Variants in FOXK1 observed in about 807,000 individuals in gnomAD.
The protein encoded by FOXK1 is forkhead box K1, also known as forkhead box protein K1.
A neutral mutation model predicts 51.9 loss-of-function variants in FOXK1; 19 were observed. The ratio of observed to expected loss-of-function variants is 0.37; its 90% CI spans 0.26 to 0.54. The LOEUF (loss-of-function observed/expected upper bound fraction) is 0.54. Among genes scored for constraint, FOXK1 ranks in the 20% least tolerant of loss-of-function variants. FOXK1 has a pLI of 0.87. For missense variants in FOXK1, 870 were observed against 1,032.7 expected, an observed-to-expected ratio of 0.84 and a Z score of 2.16; for synonymous variants, 537 against 482.6, an observed-to-expected ratio of 1.11 and a Z score of -1.48.
Position 4,758,788 on chromosome 7 carries a change from G to C in FOXK1, c.1245-263G>C. 2.1e-6 allele frequency: 1 copy of C among 471,170 alleles called. No homozygotes were observed. The highest frequency in any genetic ancestry group is 3.7e-6 in the Non-Finnish European group (1 of 267,644). The allele number at this position is 471,170 out of a possible 1,614,324, so 29.2% of individuals were successfully genotyped here. On this transcript the variant is annotated intron_variant, in intron 5 of 8. Transcript: ENST00000328914. This position sits in a 1 kb window ranked among gnomAD's most constrained non-coding sequence, Gnocchi z 4.4. ...GACCTCGGTGGAAGTGAACTCCGTA[G>C]GTTGTTGCGTTCACTGCAGCACCTC...
chr7:4,702,822 C>T (rs977054284), intron 1 of FOXK1, among the ~76,000 whole-genome samples: 10 of 152,202 alleles, frequency 6.6e-5, no homozygotes, highest in African/African-American at 9.6e-5. Context: ...GGGGCCTTGA[C>T]GGGGCCTCTG....
intron 1 of FOXK1, among the ~76,000 whole-genome samples, chr7:4,727,732 G>A (rs887103760): frequency 1.3e-5 from 2 of 152,200 alleles, no homozygotes; most frequent in Non-Finnish European, 2.9e-5. Flanking sequence ...GTCACTCCTC[G>A]ATGTCACATC....
chr7:4,710,719 C>T (rs948904121), intron 1 of FOXK1, among the ~76,000 whole-genome samples: 8 of 152,176 alleles, frequency 5.3e-5, no homozygotes, highest in Admixed American at 2.6e-4. Context: ...ACATTCAGGG[C>T]GAGGGTGCGG....
chr7:4,741,621 G>A (rs1488318606), intron 2 of FOXK1, among the ~76,000 whole-genome samples: 5 of 152,214 alleles, frequency 3.3e-5, no homozygotes, highest in Admixed American at 1.3e-4. Context: ...GTGAGCCACC[G>A]CGCACGGCTG....
intron 1 of FOXK1, among the ~76,000 whole-genome samples, chr7:4,686,172 CT>C (rs575823216): frequency 2.1e-4 from 32 of 152,274 alleles, no homozygotes; most frequent in Non-Finnish European, 3.5e-4. Context: ...AATTTGTTTA[CT>C]GTAAACTACA....
intron 1 of FOXK1, among the ~76,000 whole-genome samples, chr7:4,727,606 G>A (rs577028954): frequency 3.3e-5 from 5 of 152,264 alleles, no homozygotes; most frequent in South Asian, 2.1e-4. Context: ...TAGCCACGGC[G>A]CCCGGCCTGA....
rs776690021 is a variant in FOXK1 at position 4,749,915 on chromosome 7, G to A, written c.747-4544G>A. 2.6e-5 allele frequency among the ~76,000 whole-genome samples: 4 copies of A among 152,296 alleles called. No individual in the cohort carries two copies. Among genetic ancestry groups the A allele is most frequent in the African/African-American group, 7.2e-5 (3 of 41,566 alleles). ...GACCTGTGTGTCCCACAGCCCGTCC[G>A]TCCCTCTGCAGTCTCCCTGCACTGG... On this transcript the variant is annotated intron_variant, in intron 2 of 8. Transcript: ENST00000328914. This position sits in a 1 kb window ranked among gnomAD's most constrained non-coding sequence, Gnocchi z 6.0.
intron 1 of FOXK1, among the ~76,000 whole-genome samples, chr7:4,691,387 T>G (rs986812020): frequency 2.0e-5 from 3 of 152,134 alleles, no homozygotes; most frequent in Non-Finnish European, 4.4e-5. Flanking sequence ...CAGGCTGGAG[T>G]GCAGTGGTGC....
chr7:4,732,149 T>C (rs1224737320), intron 1 of FOXK1, among the ~76,000 whole-genome samples: 1 of 152,252 alleles, frequency 6.6e-6, no homozygotes. Context: ...CGCCTCAGTA[T>C]TTAGCGAGGG....
rs1046704805 is a variant in FOXK1 at position 4,703,046 on chromosome 7, G to A, written c.560+20178G>A. Among the ~76,000 whole-genome samples, 3 of 152,166 alleles carry A rather than the reference G, an allele frequency of 2.0e-5. No homozygotes were observed. The highest frequency in any genetic ancestry group is 4.4e-5 in the Non-Finnish European group (3 of 68,044). ...GTCCTCAGCTCCCCCTGCCAGGTCC[G>A]GTTGGGGACCGAGACCCCTGGTTGC... On this transcript the variant is annotated intron_variant, in intron 1 of 8. Transcript: ENST00000328914. This position sits in a 1 kb window ranked among gnomAD's most constrained non-coding sequence, Gnocchi z 5.6.
At chr7:4,742,132 C>G (rs961589044) in intron 2 of FOXK1, among the ~76,000 whole-genome samples, 2 of 152,256 alleles carry the variant, frequency 1.3e-5, no homozygotes, top group Non-Finnish European at 1.5e-5. Flanking sequence ...CTGCGTCGCT[C>G]GCGCGTCACC....
At position 4,749,412 on chromosome 7, in the gene FOXK1, A is replaced by G. The variant is rs1780746746; in HGVS notation, c.747-5047A>G. On this transcript the variant is annotated intron_variant, in intron 2 of 8. Coordinates refer to ENST00000328914, the MANE Select transcript of FOXK1 (RefSeq NM_001037165.2). The surrounding 1 kb of genome is among the most constrained non-coding windows in gnomAD (Gnocchi z 6.0). ...TAAAAACCCTCTTAGAGCGGCTGGT[A>G]TTGGAGCAGGGGCTGGGGCAGGGAC... Among the ~76,000 whole-genome samples, 1 of 152,184 alleles carries G rather than the reference A, an allele frequency of 6.6e-6. No homozygotes were observed. Among genetic ancestry groups the G allele is most frequent in the Non-Finnish European group, 1.5e-5 (1 of 68,010 alleles).
At position 4,697,237 on chromosome 7, in the gene FOXK1, C is replaced by T. The variant is rs1779964627; in HGVS notation, c.560+14369C>T. Among the ~76,000 whole-genome samples the T allele has an allele frequency of 3.3e-5, 5 of 152,292 alleles. No individual in the cohort carries two copies. In the South Asian group the frequency reaches 6.2e-4, roughly 19 times the overall value. On this transcript the variant is annotated intron_variant, in intron 1 of 8. Coordinates refer to ENST00000328914, the MANE Select transcript of FOXK1 (RefSeq NM_001037165.2). ...GGCCAGGCCCAGAAGTAGCATATCT[C>T]ACTTCCACTCAAGCCAGTGACCAGA...
intron 1 of FOXK1, among the ~76,000 whole-genome samples, chr7:4,704,542 A>C (rs1780058746): frequency 6.6e-6 from 1 of 151,908 alleles, no homozygotes; most frequent in Non-Finnish European, 1.5e-5. Context: ...AAAAATGCTC[A>C]AAGGATTACC....
At chr7:4,738,600 C>G (rs1780588991) in intron 1 of FOXK1, among the ~76,000 whole-genome samples, 1 of 152,144 alleles carries the variant, frequency 6.6e-6, no homozygotes, top group African/African-American at 2.4e-5. Context: ...TTCAAATAGC[C>G]TTGGGATGCC....
rs1461769827 is a variant in FOXK1 at position 4,756,769 on chromosome 7, A to T, written c.1051-225A>T. Among the ~76,000 whole-genome samples the T allele has an allele frequency of 6.6e-6, 1 of 151,930 alleles. No homozygotes were observed. Among genetic ancestry groups the T allele is most frequent in the Non-Finnish European group, 1.5e-5 (1 of 67,974 alleles). ...GACAGAATGAGACTCCGTCAAAAAA[A>T]AAAAAAAGGTAAAATGGTAATTATG... On this transcript the variant is annotated intron_variant, in intron 4 of 8. Coordinates refer to ENST00000328914, the MANE Select transcript of FOXK1 (RefSeq NM_001037165.2). The surrounding 1 kb of genome is among the most constrained non-coding windows in gnomAD (Gnocchi z 4.1).
In FOXK1 at chr7:4,768,428, G is replaced by A. The variant is rs116865157; in HGVS notation, c.*5964G>A. 930 of 138,614 alleles carry A rather than the reference G, an allele frequency of 6.7e-3. 73 individuals carry two copies. Among genetic ancestry groups the A allele is most frequent in the East Asian group, 0.043 (224 of 5,178 alleles). The allele number at this position is 138,614 out of a possible 1,614,324, so 8.6% of individuals were successfully genotyped here. ...ATTACAGGCGTGAGCCACCGCGCCC[G>A]GCCCACTGACTTCTTTAGGGAAAAT... is the stretch of plus-strand genomic sequence containing the variant. On this transcript the variant is annotated 3_prime_UTR_variant, in exon 9 of 9. Transcript: ENST00000328914.
At chr7:4,719,306 A>T (rs1026224417) in intron 1 of FOXK1, among the ~76,000 whole-genome samples, 2 of 151,618 alleles carry the variant, frequency 1.3e-5, no homozygotes, top group Non-Finnish European at 2.9e-5. Context: ...GGCTAATTTT[A>T]AAAAAAGATT....
At chr7:4,727,019 A>C (rs10242588) in intron 1 of FOXK1, among the ~76,000 whole-genome samples, 217 of 152,218 alleles carry the variant, frequency 1.4e-3, no homozygotes, top group African/African-American at 5.0e-3. Flanking sequence ...ATCATAACCC[A>C]TTGCAGCCTT....
Sources: gnomAD v4.1 joint callset for allele counts (sites outside exome capture counted in the v4.1 genomes callset) on GRCh38, gnomAD v4.1.1 for gene constraint, Gnocchi (gnomAD v3.1) non-coding constraint, MANE v1.5 for transcripts, NCBI Gene and HGNC (gene_info 2026-07-23, HGNC 2026-07-21) for gene names.